The following ARID5B variants were observed in gnomAD, a reference collection of about 807,000 sequenced individuals.
The protein encoded by ARID5B is AT-rich interaction domain 5B.
In ARID5B, 13 loss-of-function variants were observed where a neutral mutation model predicts 97.2. The ratio of observed to expected loss-of-function variants is 0.13; its 90% confidence interval spans 0.09 to 0.21. The LOEUF (loss-of-function observed/expected upper bound fraction) is 0.21. Ranked by LOEUF, ARID5B falls within the 10% of genes least tolerant of loss-of-function variation. The probability of loss-of-function intolerance (pLI) is 1.00; values close to 1 mark genes in which losing one functional copy is unlikely to be tolerated. For synonymous variants in ARID5B, 556 were observed against 570.3 expected (o/e 0.97, Z 0.36); for missense variants, 1,210 against 1,465.3 (o/e 0.83, Z 2.84).
At chr10:61,962,901 TATC>T (rs1245166851) in intron 3 of ARID5B, among the ~76,000 whole-genome samples, 6 of 152,244 alleles carry the variant, frequency 3.9e-5, no homozygotes, top group African/African-American at 1.4e-4. Context: ...GATTTGGTGA[TATC>T]ATAATAAACC....
intron 4 of ARID5B, among the ~76,000 whole-genome samples, chr10:62,027,775 G>C (rs1328890630): frequency 6.6e-6 from 1 of 152,024 alleles, no homozygotes; most frequent in Non-Finnish European, 1.5e-5. Flanking sequence ...TCACCCCTCA[G>C]TCTGGCCAAT....
At chr10:61,941,072 A>G (rs1844402577) in intron 3 of ARID5B, among the ~76,000 whole-genome samples, 1 of 138,646 alleles carries the variant, frequency 7.2e-6, no homozygotes, top group Non-Finnish European at 1.5e-5. Context: ...TGGTGTTTAC[A>G]TACTAACTCT....
At chr10:61,912,499 T>C (rs1843822656) in intron 2 of ARID5B, among the ~76,000 whole-genome samples, 1 of 152,130 alleles carries the variant, frequency 6.6e-6, no homozygotes, top group Non-Finnish European at 1.5e-5. Context: ...TCATGATATA[T>C]ATGTACATCA....
intron 5 of ARID5B, among the ~76,000 whole-genome samples, chr10:62,052,822 G>T (rs141622400): frequency 7.8e-5 from 8 of 103,134 alleles, no homozygotes; most frequent in African/African-American, 3.0e-4. Context: ...ACAAAGAGAT[G>T]GATCATTCTT....
intron 2 of ARID5B, among the ~76,000 whole-genome samples, chr10:61,921,411 C>A (rs910123620): frequency 3.3e-5 from 5 of 152,228 alleles, no homozygotes; most frequent in African/African-American, 1.2e-4. Flanking sequence ...GGTCTCAGAT[C>A]TCTCAGGCTG....
In ARID5B at chr10:61,947,172, A is replaced by G. The variant is rs555028795; in HGVS notation, c.502+6764A>G. Among the ~76,000 whole-genome samples, 31 of 152,138 alleles carry G rather than the reference A, an allele frequency of 2.0e-4. 1 individual carries two copies. In the East Asian group the frequency reaches 3.7e-3, roughly 18 times the overall value. On this transcript the variant is annotated intron_variant, in intron 3 of 9. Coordinates refer to ENST00000279873, the MANE Select transcript of ARID5B (RefSeq NM_032199.3). ...CATGCCGTTATAATGTGACAACCCAAAGGACTTTTGATGGAGTACAAGAAT... is the reference window on the plus strand; with the variant it reads ...CATGCCGTTATAATGTGACAACCCAGAGGACTTTTGATGGAGTACAAGAAT...
chr10:62,040,579 A>G (rs1328037378), intron 4 of ARID5B, among the ~76,000 whole-genome samples: 1 of 152,206 alleles, frequency 6.6e-6, no homozygotes, highest in Non-Finnish European at 1.5e-5. Flanking sequence ...CCCAAGAGAA[A>G]GATAATGTGA....
At chr10:62,055,576 A>G (rs1309070122) in intron 5 of ARID5B, among the ~76,000 whole-genome samples, 1 of 152,212 alleles carries the variant, frequency 6.6e-6, no homozygotes, top group Admixed American at 6.5e-5. Context: ...TTGGCAGTGA[A>G]AAATGATGAC....
At chr10:61,970,280 T>C (rs1346905803) in intron 3 of ARID5B, among the ~76,000 whole-genome samples, 2 of 152,240 alleles carry the variant, frequency 1.3e-5, no homozygotes, top group African/African-American at 4.8e-5. Context: ...TTTTCCCTGC[T>C]GTGGACATTA....
At chr10:62,030,843 A>C (rs1375239563) in intron 4 of ARID5B, among the ~76,000 whole-genome samples, 1 of 152,220 alleles carries the variant, frequency 6.6e-6, no homozygotes, top group Non-Finnish European at 1.5e-5. Context: ...AATGAAGAAC[A>C]AATACAGTAC....
chr10:61,976,158 G>C (rs1430784365), intron 3 of ARID5B, among the ~76,000 whole-genome samples: 2 of 152,192 alleles, frequency 1.3e-5, no homozygotes, highest in Non-Finnish European at 2.9e-5. Context: ...TTGTATCTCT[G>C]TTCTGTGTCC....
chr10:61,971,517 G>A (rs1011726453), intron 3 of ARID5B, among the ~76,000 whole-genome samples: 2 of 152,166 alleles, frequency 1.3e-5, no homozygotes, highest in Non-Finnish European at 2.9e-5. Flanking sequence ...GGAAATTTTC[G>A]ATCTCAGTTA....
chr10:61,962,114 A>G (rs1049840568), intron 3 of ARID5B, among the ~76,000 whole-genome samples: 1 of 152,178 alleles, frequency 6.6e-6, no homozygotes, highest in African/African-American at 2.4e-5. Context: ...ATTACTACCA[A>G]CTGGCCCCAA....
intron 9 of ARID5B, among the ~76,000 whole-genome samples, chr10:62,087,591 C>T (rs1220744431): frequency 6.6e-6 from 1 of 150,874 alleles, no homozygotes; most frequent in African/African-American, 2.4e-5. Context: ...GGATTCAACC[C>T]CAGAGGGAAT....
intron 7 of ARID5B, among the ~76,000 whole-genome samples, chr10:62,068,615 C>T (rs753792204): frequency 3.3e-5 from 5 of 151,764 alleles, no homozygotes; most frequent in Non-Finnish European, 5.9e-5. Flanking sequence ...TCAAAAGAAG[C>T]CTCCTGCTTG....
intron 3 of ARID5B, among the ~76,000 whole-genome samples, chr10:61,998,612 A>G (rs1244209910): frequency 1.3e-5 from 2 of 152,212 alleles, no homozygotes; most frequent in African/African-American, 2.4e-5. Context: ...AATAAGCATT[A>G]AGATCATTAT....
intron 2 of ARID5B, among the ~76,000 whole-genome samples, chr10:61,937,340 C>T (rs1020497090): frequency 2.0e-5 from 3 of 152,024 alleles, no homozygotes; most frequent in Admixed American, 6.6e-5. Context: ...TGGAAGGGCC[C>T]GCCATGCACA....
intron 2 of ARID5B, among the ~76,000 whole-genome samples, chr10:61,935,402 C>T (rs1052932348): frequency 1.2e-4 from 18 of 152,124 alleles, no homozygotes; most frequent in African/African-American, 3.9e-4. Flanking sequence ...GCTATCGATA[C>T]AAGCAGGGTC....
At chr10:62,069,888 AC>A (rs773777374) in intron 8 of ARID5B, 91 bp downstream of exon 8, 113 of 1,302,170 alleles carry the variant, frequency 8.7e-5, no homozygotes, top group Non-Finnish European at 1.1e-4. Flanking sequence ...AGTCTAAATG[AC>A]CTTTTGGGAA....
Sources: allele counts gnomAD v4.1 joint callset (sites outside exome capture counted in the v4.1 genomes callset), GRCh38; gene constraint gnomAD v4.1.1; transcripts MANE v1.5; gene names NCBI Gene and HGNC (gene_info 2026-07-23, HGNC 2026-07-21).